The following RAD51B variants were observed in gnomAD, a reference collection of about 807,000 sequenced individuals.
RAD51B encodes the protein RAD51 paralog B, also known as DNA repair protein RAD51 homolog 2.
RAD51B carries 38 observed loss-of-function variants against 42.2 expected under a neutral mutation model. The observed-to-expected ratio is 0.90, with a 90% CI of 0.70 to 1.18. RAD51B has a LOEUF of 1.18. Ranked by LOEUF, RAD51B falls within the 50% of genes most tolerant of loss-of-function variation. The pLI, the probability that RAD51B is intolerant of heterozygous loss-of-function variation, is 0.00. For missense variants in RAD51B, 373 were observed against 400.7 expected, an observed-to-expected ratio of 0.93 and a Z score of 0.59; for synonymous variants, 154 against 145.2, an observed-to-expected ratio of 1.06 and a Z score of -0.43.
At chr14:68,104,340 G>GTGTTT (rs997833897) in intron 7 of RAD51B, among the ~76,000 whole-genome samples, 3 of 152,060 alleles carry the variant, frequency 2.0e-5, no homozygotes, top group African/African-American at 7.2e-5. Flanking sequence ...CTGCTTCTAC[G>GTGTTT]TGTTTTGTTT....
chr14:68,088,007 A>G (rs1175524227), intron 7 of RAD51B, among the ~76,000 whole-genome samples: 1 of 131,986 alleles, frequency 7.6e-6, no homozygotes, highest in Admixed American at 8.8e-5. Flanking sequence ...ATATATAATT[A>G]TATAATATAT....
intron 7 of RAD51B, among the ~76,000 whole-genome samples, chr14:68,276,581 G>C (rs2081229364): frequency 6.6e-6 from 1 of 152,072 alleles, no homozygotes; most frequent in African/African-American, 2.4e-5. Context: ...ATCTACAGGG[G>C]AGTCTGTCAG....
chr14:68,562,593 T>G, intron 10 of RAD51B: 1 of 985,414 alleles, frequency 1.0e-6, no homozygotes, highest in Non-Finnish European at 1.2e-6. Context: ...TTAGGAGTAA[T>G]GAGGCAGCAA....
At chr14:68,528,798 G>A (rs922015969) in intron 10 of RAD51B, among the ~76,000 whole-genome samples, 3 of 152,208 alleles carry the variant, frequency 2.0e-5, no homozygotes, top group African/African-American at 4.8e-5. Flanking sequence ...GTGAGCATCT[G>A]TTGGGTGTCA....
chr14:68,471,026 G>A (rs2086110288), intron 10 of RAD51B, among the ~76,000 whole-genome samples: 1 of 152,206 alleles, frequency 6.6e-6, no homozygotes, highest in South Asian at 2.1e-4. Context: ...TGGTCCCTGG[G>A]TGGAAAACTT....
At chr14:67,825,067 A>G in intron 2 of RAD51B, among the ~76,000 whole-genome samples, 1 of 143,018 alleles carries the variant, frequency 7.0e-6, no homozygotes, top group Middle Eastern at 3.7e-3. Flanking sequence ...GACAGAGCAA[A>G]ACTCTTGTCT....
rs78386998 is a variant in RAD51B, at chr14:68,152,167, G to A, written c.757-139717G>A. Among the ~76,000 whole-genome samples, 904 of 152,166 alleles carry A rather than the reference G, an allele frequency of 5.9e-3. 7 individuals carry two copies. The highest frequency in any genetic ancestry group is 0.021 in the African/African-American group (858 of 41,508). On this transcript the variant is annotated intron_variant, in intron 7 of 10. Coordinates refer to ENST00000471583, the MANE Select transcript of RAD51B (RefSeq NM_133510.4). ...CCATAAAGACTATTTTAATGTTCTC[G>A]TGTTATGTAGCTTTGAAATGATTCC...
At chr14:67,948,093 C>T (rs12894539) in intron 7 of RAD51B, among the ~76,000 whole-genome samples, 3,088 of 152,126 alleles carry the variant, frequency 0.02, 58 homozygotes, top group Admixed American at 0.047. Flanking sequence ...ATATAAAGTA[C>T]GAAATTGAAT....
intron 1 of RAD51B, among the ~76,000 whole-genome samples, chr14:67,820,676 GT>G (rs1253840188): frequency 6.6e-6 from 1 of 152,114 alleles, no homozygotes; most frequent in Non-Finnish European, 1.5e-5. Context: ...TCTGGGGAAG[GT>G]TTTGTGGAGG....
intron 4 of RAD51B, among the ~76,000 whole-genome samples, chr14:67,846,548 G>T (rs969651289): frequency 1.3e-5 from 2 of 152,144 alleles, no homozygotes; most frequent in African/African-American, 2.4e-5. Flanking sequence ...GCAGTCAGTG[G>T]TGGTCTGGTG....
chr14:68,083,185 C>T (rs1481912233), intron 7 of RAD51B, among the ~76,000 whole-genome samples: 2 of 152,156 alleles, frequency 1.3e-5, no homozygotes, highest in African/African-American at 2.4e-5. Flanking sequence ...TGGGAACCAC[C>T]TAAGATCTTA....
chr14:68,660,693 A>C (rs1892914924), intron 11 of RAD51B, among the ~76,000 whole-genome samples: 1 of 152,204 alleles, frequency 6.6e-6, no homozygotes, highest in South Asian at 2.1e-4. Context: ...CCAGTCCTTG[A>C]CAGTCCTTGG....
chr14:68,600,124 C>T (rs1355778136), downstream of RAD51B, among the ~76,000 whole-genome samples: 6 of 152,142 alleles, frequency 3.9e-5, no homozygotes, highest in East Asian at 1.2e-3. Context: ...ACCTGATGGC[C>T]GAGATCATTA....
intron 7 of RAD51B, among the ~76,000 whole-genome samples, chr14:68,086,947 C>T (rs901154548): frequency 6.6e-6 from 1 of 151,942 alleles, no homozygotes; most frequent in African/African-American, 2.4e-5. Context: ...ACCAGCCTGA[C>T]CAACATGATG....
chr14:68,014,887 A>G (rs563572371), intron 7 of RAD51B, among the ~76,000 whole-genome samples: 2 of 149,274 alleles, frequency 1.3e-5, no homozygotes, highest in South Asian at 4.2e-4. Context: ...ATTCATTGCT[A>G]TCTTGTTTAC....
At chr14:68,490,666 A>G (rs913031755) in intron 10 of RAD51B, among the ~76,000 whole-genome samples, 19 of 152,104 alleles carry the variant, frequency 1.2e-4, no homozygotes, top group African/African-American at 4.6e-4. Context: ...TTAAGCTGAC[A>G]CTCCTTCTCA....
At chr14:68,192,667 C>T (rs1007106946) in intron 7 of RAD51B, among the ~76,000 whole-genome samples, 2 of 152,128 alleles carry the variant, frequency 1.3e-5, no homozygotes, top group Admixed American at 6.6e-5. Flanking sequence ...CAGACCAGAG[C>T]TCTTTGTGCA....
intron 7 of RAD51B, among the ~76,000 whole-genome samples, chr14:68,283,528 C>T (rs2081359710): frequency 6.6e-6 from 1 of 152,234 alleles, no homozygotes; most frequent in African/African-American, 2.4e-5. Context: ...CCACTGGAAG[C>T]CACTGTGGCT....
chr14:68,481,993 GC>G (rs1201568650), downstream of RAD51B, among the ~76,000 whole-genome samples: 3 of 152,148 alleles, frequency 2.0e-5, no homozygotes, highest in Non-Finnish European at 4.4e-5. Flanking sequence ...CAGGAAAGTT[GC>G]CCCAGGAAAT....
Sources: gnomAD v4.1 joint callset for allele counts (sites outside exome capture counted in the v4.1 genomes callset) on GRCh38, gnomAD v4.1.1 for gene constraint, MANE v1.5 for transcripts, NCBI Gene and HGNC (gene_info 2026-07-23, HGNC 2026-07-21) for gene names.